Variants in CAB39L observed in about 807,000 individuals in gnomAD.
The protein encoded by CAB39L is calcium-binding protein 39-like.
CAB39L carries 23 observed loss-of-function variants against 39.1 expected under a neutral mutation model. The ratio of observed to expected loss-of-function variants is 0.59; its 90% confidence interval spans 0.42 to 0.83. The LOEUF is 0.83. CAB39L is among the 40% of genes least tolerant of loss of function. The pLI is 0.00. For missense variants in CAB39L, 366 were observed against 391.9 expected (o/e 0.93, Z 0.56); for synonymous variants, 126 against 137.2 (o/e 0.92, Z 0.57).
intron 7 of CAB39L, among the ~76,000 whole-genome samples, chr13:49,348,370 C>T (rs1481784234): frequency 2.0e-5 from 3 of 152,160 alleles, no homozygotes; most frequent in Non-Finnish European, 2.9e-5. Context: ...GAGTTCGAGA[C>T]CAGCCTGGCC....
chr13:49,308,784 G>A lies in CAB39L; in HGVS notation c.*2030C>T, dbSNP rs1209716951. The A allele has an allele frequency of 6.6e-6, 1 of 152,624 alleles. No individual in the cohort carries two copies. The highest frequency in any genetic ancestry group is 1.9e-4 in the East Asian group (1 of 5,178). The allele number at this position is 152,624 out of a possible 1,614,324, so 9.5% of individuals were successfully genotyped here. A position where few individuals can be genotyped will look rare whatever the true frequency, so the allele number is the denominator to read the frequency against. On this transcript the variant is annotated 3_prime_UTR_variant, in exon 11 of 11. Transcript: ENST00000409308. ...GCAAACAAATCCCCCTTTGTGCAAAGGGGGAGCTTCCTGCTCCCCCTTTCA... is the reference window on the plus strand; with the variant it reads ...GCAAACAAATCCCCCTTTGTGCAAAAGGGGAGCTTCCTGCTCCCCCTTTCA...
At chr13:49,339,534 A>C in intron 9 of CAB39L, 143 bp downstream of exon 9, 2 of 968,230 alleles carry the variant, frequency 2.1e-6, no homozygotes, top group Non-Finnish European at 2.7e-6. Context: ...CAGTCATAAC[A>C]TAAAATATAG....
At chr13:49,329,043 T>C (rs74074567) in intron 10 of CAB39L, among the ~76,000 whole-genome samples, 1,870 of 152,294 alleles carry the variant, frequency 0.012, 39 homozygotes, top group African/African-American at 0.042. Flanking sequence ...AAGAAACATT[T>C]ATTGAATATT....
chr13:49,406,299 C>A (rs2138671014), intron 3 of CAB39L, among the ~76,000 whole-genome samples: 1 of 148,768 alleles, frequency 6.7e-6, no homozygotes, highest in African/African-American at 2.5e-5. Flanking sequence ...TCCCAAGTAG[C>A]TGAGATTACA....
chr13:49,357,048 CA>C (rs11447143), intron 6 of CAB39L, among the ~76,000 whole-genome samples: 119 of 123,178 alleles, frequency 9.7e-4, no homozygotes, highest in Non-Finnish European at 8.1e-4. Flanking sequence ...GACTCCATCT[CA>C]AAAAAAAAAA....
At position 49,320,264 on chromosome 13, in the gene CAB39L, G is replaced by A. The variant is rs113095638; in HGVS notation, c.835-9271C>T. 9.5e-4 allele frequency among the ~76,000 whole-genome samples: 144 copies of A among 152,200 alleles called. 2 individuals carry two copies. Among genetic ancestry groups the A allele is most frequent in the African/African-American group, 3.2e-3 (131 of 41,518 alleles). On this transcript the variant is annotated intron_variant, in intron 10 of 10. Coordinates refer to ENST00000409308, the MANE Select transcript of CAB39L (RefSeq NM_001079670.3). ...AGAAATTTTTTTGGTTGTCTTTGTT[G>A]TCCCTGTTTTTTAAAAAATGTAATT...
rs74350290 is a variant in CAB39L at position 49,425,993 on chromosome 13, C to T, written c.-32+7325G>A. Among the ~76,000 whole-genome samples, 1,236 of 152,290 alleles carry T rather than the reference C, an allele frequency of 8.1e-3. 17 individuals are homozygous for T. The highest frequency in any genetic ancestry group is 0.028 in the African/African-American group (1,176 of 41,568). On this transcript the variant is annotated intron_variant, in intron 3 of 10. Coordinates refer to ENST00000409308, the MANE Select transcript of CAB39L (RefSeq NM_001079670.3). ...CATCTTTTCATTTTGTACTCTCTGA[C>T]CCCTTTAATCCAAACTAGTAGTGAT... is the stretch of plus-strand genomic sequence containing the variant.
At chr13:49,409,101 CAT>C (rs932438371) in intron 3 of CAB39L, among the ~76,000 whole-genome samples, 1 of 152,160 alleles carries the variant, frequency 6.6e-6, no homozygotes, top group African/African-American at 2.4e-5. Context: ...TTGCTAAAGA[CAT>C]AGGCTGGTAG....
chr13:49,436,859 C>G (rs1566141906), intron 1 of CAB39L, among the ~76,000 whole-genome samples: 1 of 152,124 alleles, frequency 6.6e-6, no homozygotes, highest in Non-Finnish European at 1.5e-5. Context: ...GGTAGGAGTA[C>G]TGTGCTGTAG....
At chr13:49,412,660 C>T (rs61948294) in intron 3 of CAB39L, among the ~76,000 whole-genome samples, 15 of 151,982 alleles carry the variant, frequency 9.9e-5, no homozygotes, top group South Asian at 2.1e-4. Context: ...CAACCTTTTT[C>T]GCACCAGAGG....
chr13:49,413,407 G>C (rs1274217060), intron 3 of CAB39L, among the ~76,000 whole-genome samples: 2 of 152,150 alleles, frequency 1.3e-5, no homozygotes, highest in African/African-American at 4.8e-5. Flanking sequence ...TGGGAATTTA[G>C]ATGCACTTTG....
At chr13:49,435,771 G>T (rs1389905889) in intron 1 of CAB39L, among the ~76,000 whole-genome samples, 1 of 152,156 alleles carries the variant, frequency 6.6e-6, no homozygotes, top group African/African-American at 2.4e-5. Context: ...AAAGTGCTAG[G>T]GTTATAGGTG....
chr13:49,393,840 A>G (rs1218611767), intron 3 of CAB39L, among the ~76,000 whole-genome samples: 3 of 151,954 alleles, frequency 2.0e-5, no homozygotes. Flanking sequence ...TAAATAAGCA[A>G]GAATAACAAA....
In CAB39L at chr13:49,431,615, G is replaced by A. The variant is rs529209301; in HGVS notation, c.-32+1703C>T. Reference sequence around the variant, plus strand: ...CCAGCTACTTATGAGGCTGTGGCAGGAGAATTGCTTGAACCTGGGAGGTGG... The same window carrying A: ...CCAGCTACTTATGAGGCTGTGGCAGAAGAATTGCTTGAACCTGGGAGGTGG... On this transcript the variant is annotated intron_variant, in intron 3 of 10. Coordinates refer to ENST00000409308, the MANE Select transcript of CAB39L (RefSeq NM_001079670.3). Among the ~76,000 whole-genome samples, 49 of 152,092 alleles carry A rather than the reference G, an allele frequency of 3.2e-4. No homozygotes were observed. In the South Asian group the frequency reaches 9.7e-3, roughly 30 times the overall value.
chr13:49,411,131 C>T (rs1175319088), intron 3 of CAB39L, among the ~76,000 whole-genome samples: 1 of 151,832 alleles, frequency 6.6e-6, no homozygotes, highest in African/African-American at 2.4e-5. Flanking sequence ...AATCCCAGCC[C>T]GGTGTGGTGA....
intron 6 of CAB39L, among the ~76,000 whole-genome samples, chr13:49,358,264 T>C (rs767789240): frequency 1.2e-4 from 19 of 152,218 alleles, no homozygotes; most frequent in Non-Finnish European, 2.1e-4. Flanking sequence ...CATAGTACAC[T>C]ACTTTGCTCA....
At position 49,379,718 on chromosome 13, in the gene CAB39L, A is replaced by C. The variant is rs1354910981; in HGVS notation, c.112-2587T>G. ...AAAAAAATAAATTTAAAAAAAAAAA[A>C]AAACAAAAAAACAAAAACAGTAAGC... On this transcript the variant is annotated intron_variant, in intron 4 of 10. Transcript: ENST00000409308. Among the ~76,000 whole-genome samples, 8 of 33,870 alleles carry C rather than the reference A, an allele frequency of 2.4e-4. 3 individuals are homozygous for C. The highest frequency in any genetic ancestry group is 6.4e-4 in the Admixed American group (3 of 4,664). 22.2% of individuals were successfully genotyped at this position (33,870 alleles called of 152,430 possible). A position where few individuals can be genotyped will look rare whatever the true frequency, so the allele number is the denominator to read the frequency against.
intron 3 of CAB39L, among the ~76,000 whole-genome samples, chr13:49,393,316 A>G (rs1176825701): frequency 6.6e-6 from 1 of 152,088 alleles, no homozygotes; most frequent in African/African-American, 2.4e-5. Context: ...ATATGTACAA[A>G]ATCTATACCA....
At chr13:49,323,792 G>T (rs1165187346) in intron 10 of CAB39L, among the ~76,000 whole-genome samples, 2 of 152,146 alleles carry the variant, frequency 1.3e-5, no homozygotes, top group Admixed American at 1.3e-4. Flanking sequence ...AAACTGAAAT[G>T]AGTCCCTCCA....
Sources: allele counts gnomAD v4.1 joint callset (sites outside exome capture counted in the v4.1 genomes callset), GRCh38; gene constraint gnomAD v4.1.1; transcripts MANE v1.5; gene names NCBI Gene and HGNC (gene_info 2026-07-23, HGNC 2026-07-21).